L3MBTL3: variants seen among roughly 807,000 people sequenced by gnomAD.
L3MBTL3 encodes L3MBTL histone methyl-lysine binding protein 3.
In L3MBTL3, 27 loss-of-function variants were observed where a neutral mutation model predicts 102.3. The observed-to-expected ratio is 0.26, with a 90% CI of 0.19 to 0.36. L3MBTL3 has a LOEUF of 0.36. L3MBTL3 is among the 10% of genes least tolerant of loss of function. The pLI, the probability that L3MBTL3 is intolerant of heterozygous loss-of-function variation, is 1.00. For missense variants in L3MBTL3, 798 were observed against 955.3 expected (o/e 0.84, Z 2.17); for synonymous variants, 340 against 320.9 (o/e 1.06, Z -0.64).
At chr6:130,067,260 C>A (rs967211490) in intron 11 of L3MBTL3, among the ~76,000 whole-genome samples, 12 of 152,030 alleles carry the variant, frequency 7.9e-5, no homozygotes, top group Non-Finnish European at 1.3e-4. Context: ...ATTACAGGTG[C>A]CTGCCACCAT....
chr6:130,129,528 C>T (rs9483089), intron 20 of L3MBTL3, among the ~76,000 whole-genome samples: 36,770 of 152,024 alleles, frequency 0.24, 5,486 homozygotes, highest in Non-Finnish European at 0.34. Context: ...TTTAGTTATT[C>T]GCAGTCAGCC....
chr6:130,111,910 C>T lies in L3MBTL3; in HGVS notation c.1886+7335C>T, dbSNP rs1203070146. On this transcript the variant is annotated intron_variant, in intron 19 of 22. Coordinates refer to ENST00000361794, the MANE Select transcript of L3MBTL3 (RefSeq NM_032438.4). Reference sequence around the variant, plus strand: ...TTAAGACCCTAATTCTCAGCATGGCCTACAAAGCCTTGTGTCATCTGGCCC... The same window carrying T: ...TTAAGACCCTAATTCTCAGCATGGCTTACAAAGCCTTGTGTCATCTGGCCC... 2.0e-5 allele frequency among the ~76,000 whole-genome samples: 3 copies of T among 152,302 alleles called. No homozygotes were observed. The East Asian group carries it at 5.8e-4, about 29-fold the overall frequency.
rs79168972 is a variant in L3MBTL3 at position 130,041,097 on chromosome 6, G to A, written c.-15-1588G>A. The stretch of plus-strand genomic sequence containing the variant: ...TTGACTTTTTGGACCTTTTGAAAGG[G>A]GCTCAGAGACCCTTGAGGAATGCAT... On this transcript the variant is annotated intron_variant, in intron 2 of 22. Coordinates refer to ENST00000361794, the MANE Select transcript of L3MBTL3 (RefSeq NM_032438.4). 6.2e-4 allele frequency among the ~76,000 whole-genome samples: 95 copies of A among 152,276 alleles called. 1 individual carries two copies. The East Asian group carries it at 0.017, about 28-fold the overall frequency.
At chr6:130,104,602 G>A (rs1371005858) in intron 19 of L3MBTL3, 27 bp downstream of exon 19, 1 of 1,460,598 alleles carries the variant, frequency 6.8e-7, no homozygotes, top group African/African-American at 1.4e-5. Flanking sequence ...TATTAGCATT[G>A]TTTAGAAGTA....
chr6:130,097,444 G>A (rs1277295602), intron 18 of L3MBTL3, among the ~76,000 whole-genome samples: 1 of 152,192 alleles, frequency 6.6e-6, no homozygotes, highest in African/African-American at 2.4e-5. Flanking sequence ...ACTTTGTTTT[G>A]ACTAGCGTTT....
chr6:130,115,342 GGTTGGC>G (rs1785598016), intron 19 of L3MBTL3, among the ~76,000 whole-genome samples: 2 of 152,168 alleles, frequency 1.3e-5, no homozygotes, highest in African/African-American at 4.8e-5. Context: ...TTCCTAACCT[GGTTGGC>G]AAATATTTCA....
At chr6:130,023,083 C>T (rs1304423973) in intron 2 of L3MBTL3, among the ~76,000 whole-genome samples, 1 of 152,048 alleles carries the variant, frequency 6.6e-6, no homozygotes, top group African/African-American at 2.4e-5. Flanking sequence ...CTTTAATCTT[C>T]CCCTCTCCTT....
At chr6:130,117,821 T>C (rs1346241586) in intron 19 of L3MBTL3, among the ~76,000 whole-genome samples, 3 of 151,250 alleles carry the variant, frequency 2.0e-5, no homozygotes, top group African/African-American at 7.3e-5. Flanking sequence ...TGCCTCAGCT[T>C]CCCAAGTAGC....
intron 12 of L3MBTL3, among the ~76,000 whole-genome samples, chr6:130,069,346 C>A (rs928204499): frequency 6.6e-6 from 1 of 152,156 alleles, no homozygotes; most frequent in Non-Finnish European, 1.5e-5. Flanking sequence ...GCAGGAGAAA[C>A]CTCCTCACTC....
chr6:130,108,231 G>GTTTTTTTTTTTTTTT (rs869221525), intron 19 of L3MBTL3, among the ~76,000 whole-genome samples: 36 of 91,040 alleles, frequency 4.0e-4, no homozygotes, highest in Non-Finnish European at 6.6e-4. Flanking sequence ...TTTTTTTTTT[G>GTTTTTTTTTTTTTTT]TTTTTTTTTT....
At chr6:130,118,869 A>T (rs549069636) in intron 19 of L3MBTL3, among the ~76,000 whole-genome samples, 2 of 152,218 alleles carry the variant, frequency 1.3e-5, no homozygotes, top group East Asian at 1.9e-4. Context: ...TGGGTCAAAG[A>T]TTTTACTTTC....
intron 22 of L3MBTL3, among the ~76,000 whole-genome samples, chr6:130,135,315 C>T (rs1414332907): frequency 2.6e-5 from 4 of 151,972 alleles, no homozygotes; most frequent in Admixed American, 1.3e-4. Flanking sequence ...CTGCCCACCT[C>T]GGCCTCCCAA....
intron 20 of L3MBTL3, among the ~76,000 whole-genome samples, chr6:130,124,095 C>T (rs1786432156): frequency 6.6e-6 from 1 of 152,164 alleles, no homozygotes; most frequent in South Asian, 2.1e-4. Context: ...TAGCCCATCC[C>T]ACAAGTTGTG....
rs965042195 is a variant in L3MBTL3, at chr6:130,020,085, C to T, written c.-95+1421C>T. 1.3e-5 allele frequency among the ~76,000 whole-genome samples: 2 copies of T among 149,956 alleles called. 1 individual carries two copies. Among genetic ancestry groups the T allele is most frequent in the Middle Eastern group, 6.9e-3 (2 of 290 alleles). ...TTTCCTGCAACTTGTTTACGCCTGC[C>T]TTATTCTGGGGAGGAAAAGAGGGGT... On this transcript the variant is annotated intron_variant, in intron 1 of 22. Coordinates refer to ENST00000361794, the MANE Select transcript of L3MBTL3 (RefSeq NM_032438.4).
intron 2 of L3MBTL3, among the ~76,000 whole-genome samples, chr6:130,033,879 G>A (rs1779881175): frequency 6.6e-6 from 1 of 152,206 alleles, no homozygotes; most frequent in African/African-American, 2.4e-5. Flanking sequence ...ACAATATTTG[G>A]AGAACAGTGG....
At chr6:130,040,956 A>C (rs755094835) in intron 2 of L3MBTL3, among the ~76,000 whole-genome samples, 33 of 152,234 alleles carry the variant, frequency 2.2e-4, no homozygotes, top group Non-Finnish European at 4.6e-4. Context: ...AATGGCTGCT[A>C]CTACAGTTGT....
intron 22 of L3MBTL3, among the ~76,000 whole-genome samples, chr6:130,136,736 G>T (rs1175248920): frequency 6.6e-6 from 1 of 151,928 alleles, no homozygotes; most frequent in Non-Finnish European, 1.5e-5. Flanking sequence ...TCATGCTTCA[G>T]CCTCCCAAGT....
intron 13 of L3MBTL3, among the ~76,000 whole-genome samples, chr6:130,073,311 T>A (rs945967442): frequency 3.3e-5 from 5 of 152,162 alleles, no homozygotes; most frequent in South Asian, 2.1e-4. Context: ...ATGAGAAAAC[T>A]TTAACTTTGG....
At chr6:130,094,844 T>C (rs988231857) in intron 18 of L3MBTL3, among the ~76,000 whole-genome samples, 1 of 152,130 alleles carries the variant, frequency 6.6e-6, no homozygotes, top group Non-Finnish European at 1.5e-5. Flanking sequence ...TTTAAAATAT[T>C]TTTCTCTTAC....
Sources: gnomAD v4.1 joint callset for allele counts (sites outside exome capture counted in the v4.1 genomes callset) on GRCh38, gnomAD v4.1.1 for gene constraint, MANE v1.5 for transcripts, NCBI Gene and HGNC (gene_info 2026-07-23, HGNC 2026-07-21) for gene names.